The following CDH18 variants were observed in gnomAD, a reference collection of about 807,000 sequenced individuals.
CDH18 encodes cadherin-18.
CDH18 carries 31 observed loss-of-function variants against 67.9 expected under a neutral mutation model. That is an observed-to-expected ratio of 0.46 (90% confidence interval 0.34 to 0.62). The LOEUF is 0.62. Among genes scored for constraint, CDH18 ranks in the 20% least tolerant of loss-of-function variants. The pLI is 0.01. For missense variants in CDH18, 890 were observed against 975.5 expected, an observed-to-expected ratio of 0.91 and a Z score of 1.17; for synonymous variants, 362 against 347.2, an observed-to-expected ratio of 1.04 and a Z score of -0.48.
chr5:20,474,409 G>A (rs1390325533), intron 1 of CDH18, among the ~76,000 whole-genome samples: 1 of 152,120 alleles, frequency 6.6e-6, no homozygotes, highest in Non-Finnish European at 1.5e-5. Context: ...AGCTTACTAA[G>A]TTCCCAGAAG....
intron 1 of CDH18, among the ~76,000 whole-genome samples, chr5:20,327,467 C>T (rs946211996): frequency 2.6e-5 from 4 of 152,082 alleles, no homozygotes; most frequent in Non-Finnish European, 5.9e-5. Context: ...ATCTCTCCCT[C>T]TTTTTTCCCT....
intron 5 of CDH18, among the ~76,000 whole-genome samples, chr5:19,706,223 G>C (rs539024400): frequency 9.3e-4 from 141 of 152,302 alleles, no homozygotes; most frequent in African/African-American, 3.3e-3. Context: ...GCAGTTAGGA[G>C]TAGAATGTAC....
At chr5:20,499,158 A>G (rs897189111) in intron 1 of CDH18, among the ~76,000 whole-genome samples, 2 of 151,966 alleles carry the variant, frequency 1.3e-5, no homozygotes, top group African/African-American at 2.4e-5. Flanking sequence ...CTTGGTATCT[A>G]TAAGGGATTG....
In CDH18 at chr5:20,301,789, C is replaced by CTTTTTTTTT. The variant is rs59276117; in HGVS notation, c.-579-46293_-579-46285dup. Among the ~76,000 whole-genome samples, 135 of 128,094 alleles carry CTTTTTTTTT rather than the reference C, an allele frequency of 1.1e-3. 1 individual carries two copies. Among genetic ancestry groups the CTTTTTTTTT allele is most frequent in the East Asian group, 4.6e-3 (19 of 4,106 alleles). 84.0% of individuals were successfully genotyped at this position (128,094 alleles called of 152,430 possible). A position where few individuals can be genotyped will look rare whatever the true frequency, so the allele number is the denominator to read the frequency against. ...AAAGGTAGTTTGCTCTTTCTTTTTT[C>CTTTTTTTTT]TTTTTTTTTTTTTTTTTTGGCATGC... is the stretch of plus-strand genomic sequence containing the variant. On this transcript the variant is annotated intron_variant, in intron 1 of 14. Coordinates refer to the CDH18 transcript ENST00000507958.
At chr5:19,728,667 C>A (rs906626525) in intron 4 of CDH18, among the ~76,000 whole-genome samples, 1 of 152,068 alleles carries the variant, frequency 6.6e-6, no homozygotes, top group African/African-American at 2.4e-5. Flanking sequence ...CATTTTTATA[C>A]CAAGCAAATA....
intron 1 of CDH18, among the ~76,000 whole-genome samples, chr5:20,406,237 G>A (rs1338380526): frequency 2.0e-5 from 3 of 152,140 alleles, no homozygotes; most frequent in African/African-American, 7.2e-5. Context: ...TATACACCAC[G>A]GAATACTATG....
chr5:20,539,981 AT>A lies in CDH18; in HGVS notation c.-580+35480del, dbSNP rs544393852. Among the ~76,000 whole-genome samples, 1,261 of 152,264 alleles carry A rather than the reference AT, an allele frequency of 8.3e-3. 12 individuals carry two copies. The highest frequency in any genetic ancestry group is 0.013 in the Non-Finnish European group (861 of 68,024). On this transcript the variant is annotated intron_variant, in intron 1 of 14. Transcript: ENST00000507958. ...TAATGTCTAAACTGTCCAAATATGTATTTTTTTATTAAACCTAATAAACTGC... is the reference window on the plus strand; with the variant it reads ...TAATGTCTAAACTGTCCAAATATGTATTTTTTATTAAACCTAATAAACTGC...
At position 19,932,740 on chromosome 5, in the gene CDH18, TTTC is replaced by T. The variant is rs562434365; in HGVS notation, c.-257+48317_-257+48319del. 6.6e-5 allele frequency among the ~76,000 whole-genome samples: 10 copies of T among 151,768 alleles called. No homozygotes were observed. The South Asian group carries it at 2.1e-3, about 31-fold the overall frequency. On this transcript the variant is annotated intron_variant, in intron 2 of 12. Coordinates refer to ENST00000382275, the MANE Select transcript of CDH18 (RefSeq NM_004934.5). ...TTAATATCCATCCTGTCTGCCTTTT[TTTC>T]TTCATCCCATGCCTAATTATTAAAA...
intron 5 of CDH18, among the ~76,000 whole-genome samples, chr5:19,667,542 A>G (rs1687371300): frequency 6.6e-6 from 1 of 150,734 alleles, no homozygotes; most frequent in African/African-American, 2.4e-5. Flanking sequence ...ACACACACAT[A>G]AACTGATTTG....
At chr5:19,481,506 T>C (rs1739418242) in intron 12 of CDH18, among the ~76,000 whole-genome samples, 1 of 152,184 alleles carries the variant, frequency 6.6e-6, no homozygotes, top group Non-Finnish European at 1.5e-5. Flanking sequence ...CTACATGCCC[T>C]CTTGTCACCA....
chr5:19,494,322 C>A (rs1166268261), intron 11 of CDH18, among the ~76,000 whole-genome samples: 1 of 152,058 alleles, frequency 6.6e-6, no homozygotes, highest in Non-Finnish European at 1.5e-5. Context: ...TCTCTATGTA[C>A]ACTGATAAAA....
intron 2 of CDH18, among the ~76,000 whole-genome samples, chr5:19,959,930 T>C (rs1796624219): frequency 6.6e-6 from 1 of 152,118 alleles, no homozygotes; most frequent in Admixed American, 6.5e-5. Context: ...TATCTGAACA[T>C]TTTTAAAGGT....
intron 1 of CDH18, among the ~76,000 whole-genome samples, chr5:20,352,127 GA>G (rs1162036468): frequency 6.6e-6 from 1 of 152,260 alleles, no homozygotes; most frequent in African/African-American, 2.4e-5. Flanking sequence ...GCACGAGTTT[GA>G]ACTGTGAGGA....
At chr5:19,628,104 G>A (rs1217773024) in intron 5 of CDH18, among the ~76,000 whole-genome samples, 1 of 152,130 alleles carries the variant, frequency 6.6e-6, no homozygotes, top group African/African-American at 2.4e-5. Context: ...TTGAATCATG[G>A]TGGTGGTTTC....
intron 2 of CDH18, among the ~76,000 whole-genome samples, chr5:19,969,439 C>G (rs914113470): frequency 8.4e-4 from 126 of 150,482 alleles, no homozygotes; most frequent in Admixed American, 1.8e-3. Context: ...GACTTGGAAC[C>G]AACCCAAATG....
chr5:19,876,185 A>G (rs1786981328), intron 2 of CDH18, among the ~76,000 whole-genome samples: 1 of 152,148 alleles, frequency 6.6e-6, no homozygotes, highest in Non-Finnish European at 1.5e-5. Flanking sequence ...AATCAATCAA[A>G]ATCCTACCCA....
At chr5:19,695,110 G>C (rs185789188) in intron 5 of CDH18, among the ~76,000 whole-genome samples, 1 of 152,226 alleles carries the variant, frequency 6.6e-6, no homozygotes, top group African/African-American at 2.4e-5. Context: ...GTGCAGGACT[G>C]TGTGCACCAA....
chr5:19,739,687 A>G (rs1372840611), intron 4 of CDH18, among the ~76,000 whole-genome samples: 2 of 152,218 alleles, frequency 1.3e-5, no homozygotes, highest in Non-Finnish European at 2.9e-5. Flanking sequence ...CTGGTTTGTC[A>G]GTTGTCCAAT....
intron 1 of CDH18, among the ~76,000 whole-genome samples, chr5:20,446,513 G>C (rs1278628293): frequency 2.6e-5 from 4 of 152,090 alleles, no homozygotes; most frequent in Non-Finnish European, 5.9e-5. Flanking sequence ...CAGTCACCAA[G>C]AAAAGGTGCA....
Sources: allele counts gnomAD v4.1 joint callset (sites outside exome capture counted in the v4.1 genomes callset), GRCh38; gene constraint gnomAD v4.1.1; transcripts MANE v1.5; gene names NCBI Gene and HGNC (gene_info 2026-07-23, HGNC 2026-07-21).